The following GRIK1 variants were observed in gnomAD, a reference collection of about 807,000 sequenced individuals.
GRIK1 encodes glutamate ionotropic receptor kainate type subunit 1, also known as glutamate receptor ionotropic, kainate 1.
In GRIK1, 69 loss-of-function variants were observed where a neutral mutation model predicts 105.7. The ratio of observed to expected loss-of-function variants is 0.65; its 90% confidence interval spans 0.54 to 0.80. The LOEUF (loss-of-function observed/expected upper bound fraction) is 0.80. Among genes scored for constraint, GRIK1 ranks in the 30% least tolerant of loss-of-function variants. The pLI is 0.00. For missense variants in GRIK1, 1,109 were observed against 1,167.3 expected, an observed-to-expected ratio of 0.95 and a Z score of 0.73; for synonymous variants, 438 against 431.3, an observed-to-expected ratio of 1.02 and a Z score of -0.19.
In GRIK1 at chr21:29,565,038, G is replaced by T. The variant is rs533461126; in HGVS notation, c.2131-3189C>A. ...CCTGACCTCTCCCAGGGAGCTACAG[G>T]GGAAGTCTAGTTGGCATGGACACCT... On this transcript the variant is annotated intron_variant, in intron 14 of 17. Transcript: ENST00000327783. Among the ~76,000 whole-genome samples the T allele has an allele frequency of 2.4e-4, 36 of 152,276 alleles. No individual in the cohort carries two copies. In the South Asian group the frequency reaches 4.4e-3, roughly 18 times the overall value.
At chr21:29,569,831 A>G (rs2090699004) in intron 14 of GRIK1, among the ~76,000 whole-genome samples, 1 of 152,214 alleles carries the variant, frequency 6.6e-6, no homozygotes, top group Non-Finnish European at 1.5e-5. Context: ...TACATTTCTG[A>G]CTTCCTGTGG....
intron 1 of GRIK1, among the ~76,000 whole-genome samples, chr21:29,774,888 T>A (rs998848672): frequency 6.6e-6 from 1 of 152,200 alleles, no homozygotes; most frequent in African/African-American, 2.4e-5. Flanking sequence ...GTTGCTGTCT[T>A]GAACTTCTTA....
chr21:29,749,981 A>G (rs2065143264), intron 1 of GRIK1, among the ~76,000 whole-genome samples: 1 of 151,752 alleles, frequency 6.6e-6, no homozygotes, highest in East Asian at 1.9e-4. Flanking sequence ...ATTTTTATTT[A>G]TTTATATATT....
intron 3 of GRIK1, among the ~76,000 whole-genome samples, chr21:29,678,861 AGCTTGACTACTCAT>A (rs2063322238): frequency 6.6e-6 from 1 of 152,200 alleles, no homozygotes; most frequent in South Asian, 2.1e-4. Context: ...CTTGCATTTT[AGCTTGACTACTCAT>A]GCCAAAGTGT....
At chr21:29,626,870 T>A (rs1243832665) in intron 7 of GRIK1, among the ~76,000 whole-genome samples, 2 of 152,188 alleles carry the variant, frequency 1.3e-5, no homozygotes, top group Non-Finnish European at 2.9e-5. Context: ...GAAGAATGGG[T>A]TCCATTAGCA....
intron 1 of GRIK1, among the ~76,000 whole-genome samples, chr21:29,814,545 G>A (rs1400853680): frequency 6.6e-6 from 1 of 152,032 alleles, no homozygotes; most frequent in Admixed American, 6.6e-5. Context: ...ACTAGGAGGA[G>A]ATAAAGTTGT....
chr21:29,824,715 G>A (rs1050183489), intron 1 of GRIK1, among the ~76,000 whole-genome samples: 7 of 151,634 alleles, frequency 4.6e-5, no homozygotes, highest in Admixed American at 2.6e-4. Flanking sequence ...TTCAGAGGAC[G>A]AGAATCGAGA....
intron 1 of GRIK1, among the ~76,000 whole-genome samples, chr21:29,698,552 T>A (rs1210471586): frequency 6.6e-6 from 1 of 152,218 alleles, no homozygotes; most frequent in Non-Finnish European, 1.5e-5. Flanking sequence ...TTGTCCATGT[T>A]CTCTTTCATT....
chr21:29,802,169 G>A (rs112773380), intron 1 of GRIK1, among the ~76,000 whole-genome samples: 1 of 152,090 alleles, frequency 6.6e-6, no homozygotes, highest in African/African-American at 2.4e-5. Flanking sequence ...ATTCTCAATT[G>A]TCTCTGAATT....
chr21:29,743,868 T>A (rs1042902512), intron 1 of GRIK1, among the ~76,000 whole-genome samples: 3 of 152,140 alleles, frequency 2.0e-5, no homozygotes, highest in Admixed American at 6.5e-5. Flanking sequence ...GTGTTAGAAT[T>A]GGGAAATTTA....
At chr21:29,724,170 T>C (rs151238526) in intron 1 of GRIK1, among the ~76,000 whole-genome samples, 1 of 152,366 alleles carries the variant, frequency 6.6e-6, no homozygotes, top group African/African-American at 2.4e-5. Flanking sequence ...GCCAAGTAAT[T>C]AACCAGATAA....
At chr21:29,860,800 C>G (rs1034584414) in intron 1 of GRIK1, among the ~76,000 whole-genome samples, 1 of 152,108 alleles carries the variant, frequency 6.6e-6, no homozygotes, top group Non-Finnish European at 1.5e-5. Flanking sequence ...AATACAGTAG[C>G]CACTAGCCTC....
chr21:29,727,189 G>T (rs1601541731), intron 1 of GRIK1, among the ~76,000 whole-genome samples: 1 of 152,146 alleles, frequency 6.6e-6, no homozygotes, highest in African/African-American at 2.4e-5. Context: ...GCCTTCCAAA[G>T]TGCTGGGATT....
intron 1 of GRIK1, among the ~76,000 whole-genome samples, chr21:29,794,849 C>T (rs553606142): frequency 6.6e-6 from 1 of 152,108 alleles, no homozygotes; most frequent in African/African-American, 2.4e-5. Context: ...GAGGCTTCCT[C>T]TTCATTCACT....
In GRIK1 at chr21:29,673,129, A is replaced by T. The variant is rs1221663095; in HGVS notation, c.580T>A (p.Ser194Thr). The T allele has an allele frequency of 6.2e-7, 1 of 1,612,380 alleles. No individual in the cohort carries two copies. The highest frequency in any genetic ancestry group is 1.3e-5 in the African/African-American group (1 of 74,888). The change falls in exon 4 of 18, where the codon TCC becomes ACC. Residue 194 changes from serine to threonine, a missense_variant. Physicochemically the swap from Ser to Thr is moderately conservative, Grantham distance 58. Around this residue, in one of 5 missense-constraint regions of GRIK1, gnomAD observed 612 missense variants for 586.0 expected, o/e 1.04. Coordinates refer to ENST00000327783, the MANE Select transcript of GRIK1 (RefSeq NM_001330994.2). ...ATTTTGATTTTAATATTATATCTGG[A>T]GGGAGCTTTGATGAGCTCTTGTAGA... The part of the protein sequence containing the change: ...IRLQELIKAP[S>T]RYNIKIKIRQ...
chr21:29,808,245 C>T (rs1008558571), intron 1 of GRIK1, among the ~76,000 whole-genome samples: 10 of 152,272 alleles, frequency 6.6e-5, no homozygotes, highest in African/African-American at 2.2e-4. Flanking sequence ...CACTCTCCAA[C>T]CCTTGCAGTT....
At chr21:29,904,252 C>T (rs1418708101) in intron 1 of GRIK1, among the ~76,000 whole-genome samples, 1 of 151,724 alleles carries the variant, frequency 6.6e-6, no homozygotes, top group Non-Finnish European at 1.5e-5. Context: ...GCACATGTAT[C>T]CCAGAACTTA....
At chr21:29,594,929 C>T (rs57809649) in intron 9 of GRIK1, among the ~76,000 whole-genome samples, 1,894 of 151,992 alleles carry the variant, frequency 0.012, 42 homozygotes, top group African/African-American at 0.043. Context: ...AGTCAGAGTA[C>T]GAGGAAAGCT....
intron 1 of GRIK1, among the ~76,000 whole-genome samples, chr21:29,898,306 G>A (rs562749402): frequency 1.3e-5 from 2 of 152,256 alleles, no homozygotes; most frequent in Non-Finnish European, 2.9e-5. Flanking sequence ...TAAGTGCTAC[G>A]ATGCCCTCGA....
Sources: allele counts gnomAD v4.1 joint callset (sites outside exome capture counted in the v4.1 genomes callset), GRCh38; gene constraint gnomAD v4.1.1; regional missense constraint gnomAD v4.1.1; transcripts MANE v1.5; gene names NCBI Gene and HGNC (gene_info 2026-07-23, HGNC 2026-07-21).